UBR4: variants seen among roughly 807,000 people sequenced by gnomAD.
The protein encoded by UBR4 is ubiquitin protein ligase E3 component n-recognin 4.
In UBR4, 124 loss-of-function variants were observed where a neutral mutation model predicts 575.6. The observed-to-expected ratio is 0.22, with a 90% confidence interval of 0.19 to 0.25. UBR4 has a LOEUF of 0.25. UBR4 is among the 10% of genes least tolerant of loss of function. The probability of loss-of-function intolerance (pLI) is 1.00; values close to 1 mark genes in which losing one functional copy is unlikely to be tolerated. For missense variants in UBR4, 4,818 were observed against 6,478.8 expected, an observed-to-expected ratio of 0.74 and a Z score of 8.80; for synonymous variants, 2,455 against 2,473.7, an observed-to-expected ratio of 0.99 and a Z score of 0.22.
chr1:19,094,832 A>G, intron 94 of UBR4, 74 bp downstream of exon 94: 1 of 1,573,514 alleles, frequency 6.4e-7, no homozygotes, highest in Non-Finnish European at 8.6e-7. Flanking sequence ...GCCAGACACA[A>G]ACAGGCCTGT....
intron 102 of UBR4, among the ~76,000 whole-genome samples, chr1:19,083,660 G>A (rs535617077): frequency 1.8e-4 from 28 of 152,216 alleles, no homozygotes; most frequent in African/African-American, 6.7e-4. Flanking sequence ...TCAGTCTCCC[G>A]AATAGCTGGG....
chr1:19,099,119 A>C (rs1240055466), intron 90 of UBR4, among the ~76,000 whole-genome samples: 1 of 152,220 alleles, frequency 6.6e-6, no homozygotes, highest in Non-Finnish European at 1.5e-5. Flanking sequence ...TCCCCTCCTC[A>C]AGAATAACTG....
chr1:19,163,190 A>T (rs2087684639), intron 34 of UBR4, among the ~76,000 whole-genome samples: 1 of 152,222 alleles, frequency 6.6e-6, no homozygotes, highest in African/African-American at 2.4e-5. Flanking sequence ...GAAAGGATAA[A>T]GATCAGCAAA....
chr1:19,194,473 C>G (rs978227064), intron 8 of UBR4, among the ~76,000 whole-genome samples: 2 of 152,110 alleles, frequency 1.3e-5, no homozygotes, highest in Non-Finnish European at 2.9e-5. Flanking sequence ...GGCTGAAACA[C>G]TAAGATTCTG....
At chr1:19,146,710 A>G (rs2084921179) in intron 52 of UBR4, 116 bp downstream of exon 52, 1 of 1,424,058 alleles carries the variant, frequency 7.0e-7, no homozygotes, top group African/African-American at 1.4e-5. Context: ...CCAGGAAGCA[A>G]AATCCCTGTC....
Position 19,161,569 on chromosome 1 carries a change from C to T in UBR4, c.5175+20G>A. On this transcript the variant is annotated intron_variant, in intron 37 of 105. Coordinates refer to ENST00000375254, the MANE Select transcript of UBR4 (RefSeq NM_020765.3). Reference sequence around the variant, plus strand: ...GTCACTAACAAGCCACCCTTTATAGCTCAGGGAGGGTCCTCTCACCAAACA... The same window carrying T: ...GTCACTAACAAGCCACCCTTTATAGTTCAGGGAGGGTCCTCTCACCAAACA... The T allele has an allele frequency of 6.3e-7, 1 of 1,587,330 alleles. No homozygotes were observed. The highest frequency in any genetic ancestry group is 8.6e-7 in the Non-Finnish European group (1 of 1,167,876).
Position 19,112,699 on chromosome 1 carries a change from C to T in UBR4, c.11626G>A (p.Ala3876Thr), listed in dbSNP as rs772165523. 1.5e-5 allele frequency: 24 copies of T among 1,614,108 alleles called. No individual in the cohort carries two copies. The highest frequency in any genetic ancestry group is 2.2e-5 in the East Asian group (1 of 44,896). ...ATACAATGTTCTGTGACAGCCGAGG[C>T]GCAGCCATAGCACTTGGTGGAGGAT... is the stretch of plus-strand genomic sequence containing the variant. ...HTSSTKCYGCASAVTEHCITL... is the reference protein window; with the variant it reads ...HTSSTKCYGCTSAVTEHCITL... The change falls in exon 78 of 106, where the codon GCC becomes ACC. Residue 3876 changes from alanine (A) to threonine (T), a missense_variant. By Grantham distance (58) the Ala-to-Thr change is moderately conservative. Coordinates refer to ENST00000375254, the MANE Select transcript of UBR4 (RefSeq NM_020765.3).
chr1:19,110,489 G>A lies in UBR4; in HGVS notation c.11893-25C>T. On this transcript the variant is annotated intron_variant, in intron 79 of 105. Coordinates refer to ENST00000375254, the MANE Select transcript of UBR4 (RefSeq NM_020765.3). This position sits in a 1 kb window ranked among gnomAD's most constrained non-coding sequence, Gnocchi z 4.5. ...CCTAGAAGGCAATGGGAAGAGACAT[G>A]AGTCAAGAGGGTCAGCTCCGGTCCA... 1 of 1,610,908 alleles carries A rather than the reference G, an allele frequency of 6.2e-7. No homozygotes were observed. The highest frequency in any genetic ancestry group is 8.5e-7 in the Non-Finnish European group (1 of 1,177,454).
intron 81 of UBR4, among the ~76,000 whole-genome samples, chr1:19,108,214 C>T (rs929183731): frequency 1.3e-5 from 2 of 152,170 alleles, no homozygotes; most frequent in Admixed American, 1.3e-4. Flanking sequence ...TTTCATACTT[C>T]ATTACACTAA....
At position 19,100,903 on chromosome 1, in the gene UBR4, T is replaced by C. The variant is rs542691799; in HGVS notation, c.13024-330A>G. The stretch of plus-strand genomic sequence containing the variant: ...GAGGGACTTTCCTTCCTCCTCCTGC[T>C]GGTCTCATGTGATGCTAACCAATTT... On this transcript the variant is annotated intron_variant, in intron 88 of 105. Coordinates refer to ENST00000375254, the MANE Select transcript of UBR4 (RefSeq NM_020765.3). The surrounding 1 kb of genome is among the most constrained non-coding windows in gnomAD (Gnocchi z 4.2). 6.6e-6 allele frequency among the ~76,000 whole-genome samples: 1 copy of C among 152,224 alleles called. No homozygotes were observed. Among genetic ancestry groups the C allele is most frequent in the East Asian group, 1.9e-4 (1 of 5,168 alleles).
At chr1:19,129,381 T>C (rs1281486998) in intron 60 of UBR4, among the ~76,000 whole-genome samples, 1 of 152,162 alleles carries the variant, frequency 6.6e-6, no homozygotes, top group East Asian at 1.9e-4. Flanking sequence ...GCCCTAGTAG[T>C]TCTCAGTTTC....
intron 103 of UBR4, 75 bp from the exon 104 acceptor site, chr1:19,078,141 G>C (rs2076139925): frequency 3.4e-6 from 5 of 1,472,250 alleles, no homozygotes; most frequent in Non-Finnish European, 4.7e-6. Context: ...AGGCATGCTG[G>C]GAGCAAGGGA....
At chr1:19,113,577 A>G (rs2149341926) in intron 77 of UBR4, 122 bp downstream of exon 77, 1 of 1,453,086 alleles carries the variant, frequency 6.9e-7, no homozygotes, top group Non-Finnish European at 9.3e-7. Flanking sequence ...CTTTTCAGCT[A>G]GATTGGGCAG....
chr1:19,165,013 G>T lies in UBR4; in HGVS notation c.4313-16C>A. 1 of 1,613,782 alleles carries T rather than the reference G, an allele frequency of 6.2e-7. No individual in the cohort carries two copies. Among genetic ancestry groups the T allele is most frequent in the Non-Finnish European group, 8.5e-7 (1 of 1,179,848 alleles). ...CTCTTCTCAGCTAGGAGCAGAACAA[G>T]AGGCCAGGGTCAGTAAAGAAGGGCA... On this transcript the variant is annotated splice_polypyrimidine_tract_variant and intron_variant, in intron 31 of 105. Transcript: ENST00000375254.
At position 19,110,584 on chromosome 1, in the gene UBR4, C is replaced by G. The variant is rs910664829; in HGVS notation, c.11893-120G>C. The G allele has an allele frequency of 7.5e-7, 1 of 1,331,360 alleles. No homozygotes were observed. Among genetic ancestry groups the G allele is most frequent in the African/African-American group, 1.4e-5 (1 of 69,242 alleles). The allele number at this position is 1,331,360 out of a possible 1,614,324, so 82.5% of individuals were successfully genotyped here. A position where few individuals can be genotyped will look rare whatever the true frequency, so the allele number is the denominator to read the frequency against. Reference sequence around the variant, plus strand: ...AACAGAGACAAAGGACAGACGGAGACCCTTGTGCTCCAGGCTCTTCCCTGG... The same window carrying G: ...AACAGAGACAAAGGACAGACGGAGAGCCTTGTGCTCCAGGCTCTTCCCTGG... On this transcript the variant is annotated intron_variant, in intron 79 of 105. Transcript: ENST00000375254. The surrounding 1 kb of genome is among the most constrained non-coding windows in gnomAD (Gnocchi z 4.5).
intron 42 of UBR4, among the ~76,000 whole-genome samples, chr1:19,156,068 G>A (rs967123699): frequency 7.2e-5 from 11 of 152,100 alleles, no homozygotes; most frequent in Admixed American, 1.3e-4. Context: ...GTGGAGTGGC[G>A]TGGCATGATC....
chr1:19,083,990 A>G (rs1217928305), intron 102 of UBR4, among the ~76,000 whole-genome samples: 1 of 152,026 alleles, frequency 6.6e-6, no homozygotes, highest in African/African-American at 2.4e-5. Flanking sequence ...AGCATTACCC[A>G]CTGTAGAGAA....
rs528460482 is a variant in UBR4, at chr1:19,092,904, A to G, written c.14126T>C (p.Ile4709Thr). 7 of 1,613,436 alleles carry G rather than the reference A, an allele frequency of 4.3e-6. No individual in the cohort carries two copies. In the East Asian group the frequency reaches 6.7e-5, roughly 15 times the overall value. ...TGGGCGAGACAAAAACTTTTTCCAG[A>G]TGTCGGCATCCAAACTGCAAAGCAA... ...IPSAKNLDAD[I>T]WKKFLSRPAL... is the part of the protein sequence containing the mutation. The change falls in exon 97 of 106, where the codon ATC becomes ACC. Residue 4709 changes from isoleucine (I) to threonine (T), a missense_variant. Physicochemically the swap from Ile to Thr is moderately conservative, Grantham distance 89. This residue lies in a region of UBR4 where 39 missense variants were observed against 37.5 expected (regional missense o/e 1.04). Coordinates refer to ENST00000375254, the MANE Select transcript of UBR4 (RefSeq NM_020765.3).
At chr1:19,094,722 T>C (rs2077857244) in intron 94 of UBR4, among the ~76,000 whole-genome samples, 184 bp downstream of exon 94, 1 of 152,270 alleles carries the variant, frequency 6.6e-6, no homozygotes, top group Non-Finnish European at 1.5e-5. Flanking sequence ...GTGCTTGCTC[T>C]GAATCCAAAG....
Sources: gnomAD v4.1 joint callset for allele counts (sites outside exome capture counted in the v4.1 genomes callset) on GRCh38, gnomAD v4.1.1 for gene constraint, gnomAD v4.1.1 regional missense constraint, Gnocchi (gnomAD v3.1) non-coding constraint, MANE v1.5 for transcripts, NCBI Gene and HGNC (gene_info 2026-07-23, HGNC 2026-07-21) for gene names.